The following PCDHGA9 variants were observed in gnomAD, a reference collection of about 807,000 sequenced individuals.
PCDHGA9 encodes the protein protocadherin gamma subfamily A, 9, also known as protocadherin gamma-A9.
A neutral mutation model predicts 62.5 loss-of-function variants in PCDHGA9; 37 were observed. The ratio of observed to expected loss-of-function variants is 0.59; its 90% CI spans 0.46 to 0.78. The LOEUF (loss-of-function observed/expected upper bound fraction) is 0.78, where lower values mean the gene tolerates loss of function less well. Ranked by LOEUF, PCDHGA9 falls within the 30% of genes least tolerant of loss-of-function variation. The pLI is 0.00. For missense variants in PCDHGA9, 1,138 were observed against 1,166.2 expected, an observed-to-expected ratio of 0.98 and a Z score of 0.35; for synonymous variants, 459 against 484.6, an observed-to-expected ratio of 0.95 and a Z score of 0.69.
intron 1 of PCDHGA9, chr5:141,423,880 G>T: frequency 7.8e-7 from 1 of 1,282,292 alleles, no homozygotes; most frequent in Non-Finnish European, 9.9e-7. Flanking sequence ...TTTCAATCTT[G>T]GCATATTTTC....
intron 1 of PCDHGA9, chr5:141,408,940 A>G: frequency 1.2e-6 from 2 of 1,613,658 alleles, no homozygotes; most frequent in Non-Finnish European, 1.7e-6. Context: ...GCAGAGACGA[A>G]TATAGAATTA....
chr5:141,428,029 C>T (rs775747505), intron 1 of PCDHGA9: 1 of 1,607,160 alleles, frequency 6.2e-7, no homozygotes, highest in Non-Finnish European at 8.5e-7. Flanking sequence ...GCCGCAGAGT[C>T]CGGCTACCTG....
chr5:141,481,288 A>AGTC (rs2099535099), intron 1 of PCDHGA9, among the ~76,000 whole-genome samples: 1 of 152,188 alleles, frequency 6.6e-6, no homozygotes, highest in Admixed American at 6.5e-5. Flanking sequence ...ATGGTATTTC[A>AGTC]GTCATCTAAG....
chr5:141,489,208 C>A lies in PCDHGA9; in HGVS notation c.2425-5599C>A. On this transcript the variant is annotated intron_variant, in intron 1 of 3. Coordinates refer to ENST00000573521, the MANE Select transcript of PCDHGA9 (RefSeq NM_018921.3). The surrounding 1 kb of genome is among the most constrained non-coding windows in gnomAD (Gnocchi z 4.5). The stretch of plus-strand genomic sequence containing the variant: ...GGTCTACCTTGGAGACAGGACAGCA[C>A]AGACTTACTCTCCACAAAGGGACTT... 1 of 1,451,152 alleles carries A rather than the reference C, an allele frequency of 6.9e-7. No individual in the cohort carries two copies. The highest frequency in any genetic ancestry group is 9.3e-7 in the Non-Finnish European group (1 of 1,072,112). 89.9% of individuals were successfully genotyped at this position (1,451,152 alleles called of 1,614,324 possible).
At chr5:141,443,980 T>A (rs2098412674) in intron 1 of PCDHGA9, among the ~76,000 whole-genome samples, 1 of 152,036 alleles carries the variant, frequency 6.6e-6, no homozygotes, top group South Asian at 2.1e-4. Context: ...CTAAGCTATG[T>A]TAATTTTATT....
chr5:141,438,659 T>C (rs1290256383), intron 1 of PCDHGA9, among the ~76,000 whole-genome samples: 1 of 141,194 alleles, frequency 7.1e-6, no homozygotes, highest in East Asian at 2.1e-4. Flanking sequence ...CACATATATG[T>C]ATATATATAT....
chr5:141,414,434 C>A (rs774467993), intron 1 of PCDHGA9: 2 of 1,613,822 alleles, frequency 1.2e-6, no homozygotes, highest in Non-Finnish European at 8.5e-7. Flanking sequence ...GAACAGGTAT[C>A]CTCTTACAAT....
chr5:141,435,792 A>G (rs2097780110), intron 1 of PCDHGA9, among the ~76,000 whole-genome samples: 1 of 152,074 alleles, frequency 6.6e-6, no homozygotes, highest in South Asian at 2.1e-4. Context: ...AGGGAAACAT[A>G]ACGTCCCAAT....
At chr5:141,499,019 AG>A (rs2099788634) in intron 2 of PCDHGA9, among the ~76,000 whole-genome samples, 3 of 150,840 alleles carry the variant, frequency 2.0e-5, no homozygotes, top group Non-Finnish European at 3.0e-5. Context: ...GAAGGAAGGA[AG>A]GAAGGAAGAA....
intron 1 of PCDHGA9, chr5:141,409,297 T>G (rs762820320): frequency 1.9e-6 from 3 of 1,614,006 alleles, no homozygotes; most frequent in South Asian, 2.2e-5. Context: ...CAGGAATGGT[T>G]GTTGCCCTCT....
chr5:141,502,250 TA>T (rs2099813542), intron 2 of PCDHGA9, among the ~76,000 whole-genome samples: 1 of 152,242 alleles, frequency 6.6e-6, no homozygotes, highest in African/African-American at 2.4e-5. Flanking sequence ...TCCTTTTTTT[TA>T]ATCCAGGATT....
At position 141,431,542 on chromosome 5, in the gene PCDHGA9, G is replaced by C; in HGVS notation, c.2424+26166G>C. On this transcript the variant is annotated intron_variant, in intron 1 of 3. Coordinates refer to ENST00000573521, the MANE Select transcript of PCDHGA9 (RefSeq NM_018921.3). The surrounding 1 kb of genome is among the most constrained non-coding windows in gnomAD (Gnocchi z 4.8). ...AGAATCTGGCCTTGGGCACGCAGCT[G>C]CTTGTAGTCAACGCTACCGACCCTG... The C allele has an allele frequency of 1.9e-6, 3 of 1,614,124 alleles. No homozygotes were observed. The highest frequency in any genetic ancestry group is 1.1e-5 in the South Asian group (1 of 91,086).
At chr5:141,506,863 G>A (rs1162975959) in intron 3 of PCDHGA9, among the ~76,000 whole-genome samples, 1 of 152,120 alleles carries the variant, frequency 6.6e-6, no homozygotes, top group Non-Finnish European at 1.5e-5. Context: ...GAGGACTGGT[G>A]GGTAGAGAAC....
chr5:141,444,194 G>A (rs1209269773), intron 1 of PCDHGA9, among the ~76,000 whole-genome samples: 1 of 67,352 alleles, frequency 1.5e-5, no homozygotes, highest in Non-Finnish European at 2.7e-5. Flanking sequence ...TTTTTGAGAT[G>A]GAGTTTCACT....
rs775153988 is a variant in PCDHGA9 at position 141,485,268 on chromosome 5, G to A, written c.2425-9539G>A. On this transcript the variant is annotated intron_variant, in intron 1 of 3. Coordinates refer to ENST00000573521, the MANE Select transcript of PCDHGA9 (RefSeq NM_018921.3). This position sits in a 1 kb window ranked among gnomAD's most constrained non-coding sequence, Gnocchi z 5.7. ...CTGGGTTACGTTTGTGGGCAGATCC[G>A]CTACCCGGTCCCAGAGGAGTCACAG... 6.2e-7 allele frequency: 1 copy of A among 1,614,100 alleles called. No homozygotes were observed. Among genetic ancestry groups the A allele is most frequent in the Non-Finnish European group, 8.5e-7 (1 of 1,179,936 alleles).
intron 1 of PCDHGA9, among the ~76,000 whole-genome samples, chr5:141,451,829 C>T (rs564970982): frequency 1.2e-4 from 18 of 151,422 alleles, no homozygotes; most frequent in African/African-American, 4.1e-4. Flanking sequence ...TACAGTGAGC[C>T]GAGATCACAC....
chr5:141,498,703 G>A (rs961006063), intron 2 of PCDHGA9, among the ~76,000 whole-genome samples: 7 of 152,228 alleles, frequency 4.6e-5, no homozygotes, highest in Non-Finnish European at 8.8e-5. Flanking sequence ...AGGCTGAGGT[G>A]GGTGGATCAC....
rs1243232069 is a variant in PCDHGA9 at position 141,490,842 on chromosome 5, G to A, written c.2425-3965G>A. Reference sequence around the variant, plus strand: ...TGCTGCAGATGCTGCAGATTGTGGTGGGGGTTCGAGACTCCGGCTCTCCCC... The same window carrying A: ...TGCTGCAGATGCTGCAGATTGTGGTAGGGGTTCGAGACTCCGGCTCTCCCC... On this transcript the variant is annotated intron_variant, in intron 1 of 3. Transcript: ENST00000573521. The surrounding 1 kb of genome is among the most constrained non-coding windows in gnomAD (Gnocchi z 5.4). 4.3e-6 allele frequency: 7 copies of A among 1,613,844 alleles called. No homozygotes were observed. In the South Asian group the frequency reaches 6.6e-5, roughly 15 times the overall value.
At chr5:141,498,530 A>G (rs1275299749) in intron 2 of PCDHGA9, among the ~76,000 whole-genome samples, 1 of 149,364 alleles carries the variant, frequency 6.7e-6, no homozygotes, top group Non-Finnish European at 1.5e-5. Flanking sequence ...ACTGCCCTCC[A>G]GCCTGGTCTG....
Sources: gnomAD v4.1 joint callset for allele counts (sites outside exome capture counted in the v4.1 genomes callset) on GRCh38, gnomAD v4.1.1 for gene constraint, Gnocchi (gnomAD v3.1) non-coding constraint, MANE v1.5 for transcripts, NCBI Gene and HGNC (gene_info 2026-07-23, HGNC 2026-07-21) for gene names.